The following THNSL1 variants were observed in gnomAD, a reference collection of about 807,000 sequenced individuals.
The protein encoded by THNSL1 is threonine synthase like 1, also known as threonine synthase-like 1.
Under a neutral mutation model 50.4 loss-of-function variants are expected in THNSL1, and 48 were observed. The ratio of observed to expected loss-of-function variants is 0.95; its 90% CI spans 0.76 to 1.21. The LOEUF (loss-of-function observed/expected upper bound fraction) is 1.21. Among genes scored for constraint, THNSL1 ranks in the 50% most tolerant of loss-of-function variants. The pLI, the probability that THNSL1 is intolerant of heterozygous loss-of-function variation, is 0.00. For synonymous variants in THNSL1, 309 were observed against 306.1 expected, an observed-to-expected ratio of 1.01 and a Z score of -0.10; for missense variants, 896 against 871.7, an observed-to-expected ratio of 1.03 and a Z score of -0.35.
intron 1 of THNSL1, chr10:25,016,926 T>C (rs1850600173): frequency 1.3e-5 from 2 of 152,486 alleles, no homozygotes; most frequent in African/African-American, 2.4e-5. Context: ...CTGCTGCTTC[T>C]GGTCGAGGCT....
intron 1 of THNSL1, among the ~76,000 whole-genome samples, chr10:25,019,530 G>A (rs1005211154): frequency 2.0e-5 from 3 of 152,098 alleles, no homozygotes; most frequent in African/African-American, 4.8e-5. Flanking sequence ...AAACAAAAAA[G>A]CAAATTAGTA....
chr10:24,984,804 T>G, the THNSL1 span: 1 of 1,613,984 alleles, frequency 6.2e-7, no homozygotes, highest in Non-Finnish European at 8.5e-7. Flanking sequence ...GTTTCATTTC[T>G]TCTTCCAGCC....
chr10:25,004,155 C>G, the THNSL1 span, among the ~76,000 whole-genome samples: 1 of 152,118 alleles, frequency 6.6e-6, no homozygotes. Context: ...TATGTATCAC[C>G]TTTTCTTTAT....
chr10:24,996,436 ATGTGTGTGTG>A, the THNSL1 span, among the ~76,000 whole-genome samples: 1 of 148,516 alleles, frequency 6.7e-6, no homozygotes, highest in Non-Finnish European at 1.5e-5. Context: ...AAGATCATAT[ATGTGTGTGTG>A]TGTGTGTGTG....
At chr10:24,997,807 T>TTATATATATATATATA in the THNSL1 span, among the ~76,000 whole-genome samples, 11 of 144,960 alleles carry the variant, frequency 7.6e-5, no homozygotes, top group African/African-American at 2.1e-4. Context: ...CACAAAGGAT[T>TTATATATATATATATA]TATATATATA....
chr10:24,952,661 T>TGGGGACGGGGACGGGGACGGGGAC, the THNSL1 span: 8 of 90,516 alleles, frequency 8.8e-5, no homozygotes, highest in East Asian at 7.2e-4. This position sits in a 1 kb window ranked among gnomAD's most constrained non-coding sequence, Gnocchi z 5.1. Context: ...GACGTGGGGA[T>TGGGGACGGGGACGGGGACGGGGAC]GGGGACGGGG....
chr10:24,957,735 C>T, the THNSL1 span, among the ~76,000 whole-genome samples: 1 of 152,322 alleles, frequency 6.6e-6, no homozygotes, highest in African/African-American at 2.4e-5. Flanking sequence ...CCTGCCTCGG[C>T]CTGCCAAAGT....
the THNSL1 span, among the ~76,000 whole-genome samples, chr10:24,960,979 A>G: frequency 4.6e-5 from 7 of 152,360 alleles, no homozygotes; most frequent in South Asian, 4.1e-4. Context: ...AACCTGACTC[A>G]TAGAGGGTCA....
At chr10:24,988,980 T>C in the THNSL1 span, among the ~76,000 whole-genome samples, 2 of 151,776 alleles carry the variant, frequency 1.3e-5, no homozygotes, top group African/African-American at 4.8e-5. Flanking sequence ...AGTGGATGAT[T>C]TGCTATCATC....
chr10:24,988,726 A>T, the THNSL1 span, among the ~76,000 whole-genome samples: 1 of 72,412 alleles, frequency 1.4e-5, no homozygotes, highest in Non-Finnish European at 2.6e-5. Context: ...ATATATATAT[A>T]TTCCTCATTT....
chr10:25,023,518 G>A lies in THNSL1; in HGVS notation c.295G>A (p.Val99Met), dbSNP rs1228383061. The stretch of plus-strand genomic sequence containing the variant: ...CCTTGAAAAAACCTGGAATATGAGT[G>A]TGTCTGAAAAATTACAGGATGTTGG... ...DILEKTWNMS[V>M]SEKLQDVGNE... The change falls in exon 3 of 3, where the codon GTG becomes ATG. Residue 99 changes from valine to methionine, a missense_variant. Transcript: ENST00000376356. The A allele has an allele frequency of 1.9e-6, 3 of 1,613,930 alleles. No individual in the cohort carries two copies. Among genetic ancestry groups the A allele is most frequent in the African/African-American group, 1.3e-5 (1 of 74,902 alleles).
rs186281715 is a variant in THNSL1, at chr10:25,024,504, T to A, written c.1281T>A (p.Asn427Lys). Residue 427 changes from asparagine (N) to lysine (K), a missense_variant, in exon 3 of 3, where the codon AAT becomes AAA. Transcript: ENST00000376356. ...KAQIIGSQRE[N>K]GWAVGVESDF... ...AAATAATTGGCAGTCAGAGAGAAAA[T>A]GGATGGGCAGTGGGTGTTGAGTCAG... 236 of 1,614,076 alleles carry A rather than the reference T, an allele frequency of 1.5e-4. 1 individual carries two copies. The highest frequency in any genetic ancestry group is 4.9e-4 in the Middle Eastern group (3 of 6,062).
chr10:24,996,068 A>G, the THNSL1 span, among the ~76,000 whole-genome samples: 1 of 152,224 alleles, frequency 6.6e-6, no homozygotes, highest in South Asian at 2.1e-4. Flanking sequence ...TTTACCTGTC[A>G]ATCAGGCCTC....
chr10:24,988,712 A>G, the THNSL1 span, among the ~76,000 whole-genome samples: 5 of 22,178 alleles, frequency 2.3e-4, no homozygotes, highest in African/African-American at 1.2e-3. Context: ...ATATATATAT[A>G]TATATATATA....
the THNSL1 span, among the ~76,000 whole-genome samples, chr10:24,969,323 G>A: frequency 1.3e-5 from 2 of 152,146 alleles, no homozygotes; most frequent in Non-Finnish European, 1.5e-5. Context: ...TGAGTGTTAC[G>A]TACTTAAGAT....
chr10:24,955,318 G>A, the THNSL1 span, among the ~76,000 whole-genome samples: 1 of 152,130 alleles, frequency 6.6e-6, no homozygotes, highest in Admixed American at 6.5e-5. Flanking sequence ...ATGAGATTTG[G>A]GTGGGGACAC....
At chr10:24,970,699 T>C in the THNSL1 span, among the ~76,000 whole-genome samples, 1 of 149,820 alleles carries the variant, frequency 6.7e-6, no homozygotes, top group Non-Finnish European at 1.5e-5. Flanking sequence ...GGTGACAGCA[T>C]GAGATCCTGT....
chr10:25,024,577 G>T lies in THNSL1; in HGVS notation c.1354G>T (p.Asp452Tyr). ...TAIKRIFNDS[D>Y]FTGFLTVEYG... ...TATAAAAAGAATTTTTAATGATTCT[G>T]ATTTTACTGGCTTTCTTACTGTGGA... Residue 452 changes from aspartate (D) to tyrosine (Y), a missense_variant, in exon 3 of 3, where the codon GAT becomes TAT. Coordinates refer to ENST00000376356, the MANE Select transcript of THNSL1 (RefSeq NM_024838.5). The T allele has an allele frequency of 6.2e-7, 1 of 1,614,088 alleles. No individual in the cohort carries two copies. The highest frequency in any genetic ancestry group is 8.5e-7 in the Non-Finnish European group (1 of 1,180,004).
chr10:24,990,389 C>T, the THNSL1 span: 1 of 1,515,626 alleles, frequency 6.6e-7, no homozygotes, highest in Non-Finnish European at 8.8e-7. Flanking sequence ...CTTTAATCAT[C>T]AAAGTGATGG....
Sources: gnomAD v4.1 joint callset for allele counts (sites outside exome capture counted in the v4.1 genomes callset) on GRCh38, gnomAD v4.1.1 for gene constraint, Gnocchi (gnomAD v3.1) non-coding constraint, MANE v1.5 for transcripts, NCBI Gene and HGNC (gene_info 2026-07-23, HGNC 2026-07-21) for gene names.